Variants in GMDS observed in about 807,000 individuals in gnomAD.
GMDS encodes the protein GDP-mannose 4,6 dehydratase.
Under a neutral mutation model 49.9 loss-of-function variants are expected in GMDS, and 20 were observed. The ratio of observed to expected loss-of-function variants is 0.40; its 90% CI spans 0.28 to 0.58. The LOEUF is 0.58. Among genes scored for constraint, GMDS ranks in the 20% least tolerant of loss-of-function variants. The pLI, the probability that GMDS is intolerant of heterozygous loss-of-function variation, is 0.42. For missense variants in GMDS, 362 were observed against 481.4 expected (o/e 0.75, Z 2.32); for synonymous variants, 177 against 178.6 (o/e 0.99, Z 0.07).
chr6:2,039,713 G>A (rs1012709990), intron 4 of GMDS, among the ~76,000 whole-genome samples: 2 of 151,932 alleles, frequency 1.3e-5, no homozygotes, highest in Non-Finnish European at 2.9e-5. Flanking sequence ...AGGTCTTCAG[G>A]GGCAGTGATA....
At chr6:1,681,214 G>C (rs926427631) in intron 9 of GMDS, among the ~76,000 whole-genome samples, 1 of 151,632 alleles carries the variant, frequency 6.6e-6, no homozygotes, top group South Asian at 2.1e-4. Flanking sequence ...TGCAGAAGAG[G>C]ACTGTGTCTA....
At chr6:1,789,738 C>G (rs1769462203) in intron 7 of GMDS, among the ~76,000 whole-genome samples, 1 of 151,988 alleles carries the variant, frequency 6.6e-6, no homozygotes, top group African/African-American at 2.4e-5. Flanking sequence ...TGGGGTCTCA[C>G]TATGTTGCCC....
At position 1,624,531 on chromosome 6, in the gene GMDS, G is replaced by T; in HGVS notation, c.997C>A (p.Gln333Lys). 6.2e-7 allele frequency: 1 copy of T among 1,613,242 alleles called. No individual in the cohort carries two copies. The highest frequency in any genetic ancestry group is 8.5e-7 in the Non-Finnish European group (1 of 1,179,318). ...TGTTTCGCTTTGGTGCAGTCGCCCTGCAGAAAGTCCTAGGGAAGAAGAGGG... is the reference window on the plus strand; with the variant it reads ...TGTTTCGCTTTGGTGCAGTCGCCCTTCAGAAAGTCCTAGGGAAGAAGAGGG... ...YYRPTEVDFL[Q>K]GDCTKAKQKL... The change falls in exon 10 of 11, where the codon CAG becomes AAG. Residue 333 changes from glutamine to lysine, a missense_variant. Physicochemically the swap from Gln to Lys is moderately conservative, Grantham distance 53 (BLOSUM62 1). Coordinates refer to ENST00000380815, the MANE Select transcript of GMDS (RefSeq NM_001500.4).
intron 9 of GMDS, among the ~76,000 whole-genome samples, chr6:1,637,662 T>C (rs1763203738): frequency 6.6e-6 from 1 of 152,242 alleles, no homozygotes; most frequent in South Asian, 2.1e-4. Context: ...TGCAGACTGT[T>C]GTGGGGACAG....
chr6:2,140,328 C>G lies in GMDS; in HGVS notation c.103-15597G>C, dbSNP rs146009091. On this transcript the variant is annotated intron_variant, in intron 1 of 10. Transcript: ENST00000380815. ...CCAAGTCAAGGGATTCCAGCAGCCA[C>G]TAGAAGTTAGAAGAAGAAAGCAAGG... Among the ~76,000 whole-genome samples, 865 of 152,200 alleles carry G rather than the reference C, an allele frequency of 5.7e-3. 2 individuals are homozygous for G. Among genetic ancestry groups the G allele is most frequent in the Middle Eastern group, 0.017 (5 of 294 alleles).
At chr6:1,907,944 G>A (rs1237398262) in intron 7 of GMDS, among the ~76,000 whole-genome samples, 1 of 152,108 alleles carries the variant, frequency 6.6e-6, no homozygotes, top group Non-Finnish European at 1.5e-5. Context: ...ACATATCCAC[G>A]ATAAATCGTT....
intron 9 of GMDS, among the ~76,000 whole-genome samples, chr6:1,723,902 T>C (rs1302199715): frequency 6.6e-6 from 1 of 152,182 alleles, no homozygotes; most frequent in Non-Finnish European, 1.5e-5. Flanking sequence ...CATTGGCTCT[T>C]GGGACCTCAC....
chr6:2,117,660 T>C (rs1774920796), intron 2 of GMDS, 104 bp from the exon 3 acceptor site: 1 of 720,930 alleles, frequency 1.4e-6, no homozygotes, highest in African/African-American at 1.8e-5. Context: ...TAAGCATTAT[T>C]TTAAATTATT....
At chr6:1,982,225 G>A (rs558370959) in intron 4 of GMDS, among the ~76,000 whole-genome samples, 2 of 152,264 alleles carry the variant, frequency 1.3e-5, no homozygotes, top group African/African-American at 4.8e-5. Flanking sequence ...AGAATCACTT[G>A]AATCTGGGAG....
At chr6:2,090,991 T>C (rs1469648621) in intron 4 of GMDS, among the ~76,000 whole-genome samples, 1 of 152,236 alleles carries the variant, frequency 6.6e-6, no homozygotes, top group African/African-American at 2.4e-5. Flanking sequence ...GTGTACACTG[T>C]GGACTGCCTC....
intron 7 of GMDS, among the ~76,000 whole-genome samples, chr6:1,922,296 T>C (rs964355543): frequency 6.6e-6 from 1 of 152,230 alleles, no homozygotes; most frequent in African/African-American, 2.4e-5. Flanking sequence ...TCACCGTTGC[T>C]TTCTGTTAAG....
chr6:1,953,648 T>C (rs568208126), intron 6 of GMDS, among the ~76,000 whole-genome samples: 40 of 152,294 alleles, frequency 2.6e-4, no homozygotes, highest in Admixed American at 2.6e-3. Flanking sequence ...GTAGTTATTC[T>C]TCTTATTTAC....
intron 1 of GMDS, among the ~76,000 whole-genome samples, chr6:2,228,758 T>C (rs770762530): frequency 6.6e-6 from 1 of 152,236 alleles, no homozygotes; most frequent in Non-Finnish European, 1.5e-5. Context: ...GCTTTCTCAG[T>C]ACAACTGTGT....
chr6:1,907,567 T>C (rs151338302), intron 7 of GMDS, among the ~76,000 whole-genome samples: 4 of 152,316 alleles, frequency 2.6e-5, no homozygotes, highest in African/African-American at 7.2e-5. Flanking sequence ...CTCACTAACA[T>C]AGGTGAACTC....
At chr6:1,919,358 A>T (rs960907241) in intron 7 of GMDS, among the ~76,000 whole-genome samples, 7 of 152,192 alleles carry the variant, frequency 4.6e-5, no homozygotes, top group Non-Finnish European at 4.4e-5. Flanking sequence ...GTACTTAGGG[A>T]AGCTATCCTA....
intron 1 of GMDS, among the ~76,000 whole-genome samples, chr6:2,160,714 G>A (rs934747691): frequency 5.3e-5 from 8 of 151,978 alleles, no homozygotes; most frequent in African/African-American, 1.9e-4. Flanking sequence ...TTTTTGTAGA[G>A]ATGGAATTTC....
intron 9 of GMDS, among the ~76,000 whole-genome samples, chr6:1,637,283 C>T (rs1229159948): frequency 1.3e-5 from 2 of 152,236 alleles, no homozygotes; most frequent in Admixed American, 6.5e-5. Flanking sequence ...GGCATCTCTC[C>T]AGGCCCAGGA....
intron 6 of GMDS, among the ~76,000 whole-genome samples, chr6:1,945,787 A>C (rs1763050913): frequency 6.6e-6 from 1 of 152,214 alleles, no homozygotes; most frequent in African/African-American, 2.4e-5. Flanking sequence ...ACATTCTTCA[A>C]ATCACTCAGG....
intron 7 of GMDS, among the ~76,000 whole-genome samples, chr6:1,747,472 A>G (rs981183482): frequency 2.0e-3 from 10 of 5,122 alleles, no homozygotes; most frequent in African/African-American, 6.6e-3. Context: ...ACACACACAC[A>G]CGCTCATGCG....
Sources: gnomAD v4.1 joint callset for allele counts (sites outside exome capture counted in the v4.1 genomes callset) on GRCh38, gnomAD v4.1.1 for gene constraint, MANE v1.5 for transcripts, NCBI Gene and HGNC (gene_info 2026-07-23, HGNC 2026-07-21) for gene names.